Variants in RBBP8 observed in about 807,000 individuals in gnomAD.
RBBP8 encodes RB binding protein 8, endonuclease.
RBBP8 carries 88 observed loss-of-function variants against 108.3 expected under a neutral mutation model. The observed-to-expected ratio is 0.81, with a 90% confidence interval of 0.68 to 0.97. RBBP8 has a LOEUF of 0.97. RBBP8 is among the 50% of genes least tolerant of loss of function. The probability of loss-of-function intolerance (pLI) is 0.00; values close to 1 mark genes in which losing one functional copy is unlikely to be tolerated. For synonymous variants in RBBP8, 332 were observed against 348.2 expected (o/e 0.95, Z 0.52); for missense variants, 1,023 against 1,049.0 (o/e 0.98, Z 0.34).
intron 18 of RBBP8, among the ~76,000 whole-genome samples, chr18:23,024,129 C>T (rs1386310315): frequency 2.0e-5 from 3 of 150,454 alleles, no homozygotes; most frequent in African/African-American, 4.9e-5. Context: ...AAGTGATCCA[C>T]CCGCCTCAGC....
chr18:22,937,087 G>T (rs1201939679), intron 2 of RBBP8, 127 bp downstream of exon 2: 4 of 1,500,700 alleles, frequency 2.7e-6, no homozygotes, highest in Non-Finnish European at 3.6e-6. Flanking sequence ...TACATGTGCA[G>T]ATTTGGTACA....
At chr18:23,000,740 C>CAA (rs78173403) in intron 14 of RBBP8, among the ~76,000 whole-genome samples, 1 of 87,142 alleles carries the variant, frequency 1.1e-5, no homozygotes. Flanking sequence ...GACTCCGTCT[C>CAA]AAAAAAAAAA....
chr18:22,946,604 A>G, intron 3 of RBBP8, 118 bp downstream of exon 3: 2 of 1,443,454 alleles, frequency 1.4e-6, no homozygotes, highest in Non-Finnish European at 1.9e-6. Context: ...TGTCTTATTT[A>G]TAAAAAAAAT....
chr18:22,964,537 T>A (rs935660433), intron 4 of RBBP8, among the ~76,000 whole-genome samples: 8 of 151,588 alleles, frequency 5.3e-5, no homozygotes, highest in African/African-American at 1.9e-4. Flanking sequence ...CCCAGTTTTA[T>A]CTAAATTTTC....
chr18:22,921,582 G>A (rs1909596991), intron 3 of RBBP8, among the ~76,000 whole-genome samples: 1 of 152,116 alleles, frequency 6.6e-6, no homozygotes, highest in South Asian at 2.1e-4. Flanking sequence ...TGGTCAAACT[G>A]CTTTTCCTTT....
intron 16 of RBBP8, 100 bp from the exon 17 acceptor site, chr18:23,016,728 C>A: frequency 1.1e-6 from 1 of 916,610 alleles, no homozygotes; most frequent in Non-Finnish European, 1.8e-6. Flanking sequence ...ATTTTTCTAA[C>A]ATACTGAATA....
At chr18:23,007,410 A>T (rs1410666121) in intron 16 of RBBP8, among the ~76,000 whole-genome samples, 2 of 152,000 alleles carry the variant, frequency 1.3e-5, no homozygotes, top group East Asian at 3.9e-4. Context: ...TATGTAGTAT[A>T]AGACTTTAGG....
intron 13 of RBBP8, 123 bp downstream of exon 13, chr18:22,996,585 A>G: frequency 6.9e-7 from 1 of 1,454,302 alleles, no homozygotes; most frequent in Non-Finnish European, 9.1e-7. Flanking sequence ...ACCTACATGT[A>G]TTTATGCAGA....
chr18:22,986,061 C>T (rs561859501), intron 8 of RBBP8, among the ~76,000 whole-genome samples: 12 of 148,078 alleles, frequency 8.1e-5, no homozygotes, highest in Admixed American at 4.8e-4. Flanking sequence ...TTAGGTGATA[C>T]GTGTATGCAT....
chr18:23,004,042 G>A (rs969619700), intron 15 of RBBP8, among the ~76,000 whole-genome samples: 11 of 118,228 alleles, frequency 9.3e-5, no homozygotes, highest in Middle Eastern at 0.014. Context: ...GGGCAACAGC[G>A]CAAGACCCCG....
intron 15 of RBBP8, among the ~76,000 whole-genome samples, chr18:23,003,206 C>A (rs914278821): frequency 5.3e-5 from 8 of 152,304 alleles, no homozygotes; most frequent in African/African-American, 1.9e-4. Context: ...GGTTTGATTT[C>A]TCTGATGAAT....
At chr18:22,935,060 G>T (rs1362481998) in intron 1 of RBBP8, among the ~76,000 whole-genome samples, 3 of 150,100 alleles carry the variant, frequency 2.0e-5, no homozygotes, top group Non-Finnish European at 4.4e-5. Context: ...ATTATATATA[G>T]GCCCATTTGT....
At chr18:22,994,014 C>CTTTTTTTTTTTT (rs777055614) in intron 12 of RBBP8, among the ~76,000 whole-genome samples, 167 bp downstream of exon 12, 2 of 75,104 alleles carry the variant, frequency 2.7e-5, no homozygotes, top group East Asian at 4.6e-4. Context: ...TTTTTCTGTT[C>CTTTTTTTTTTTT]TTTTTTTTTT....
At chr18:22,980,635 G>C (rs1160868443) in intron 6 of RBBP8, among the ~76,000 whole-genome samples, 2 of 152,072 alleles carry the variant, frequency 1.3e-5, no homozygotes, top group Non-Finnish European at 2.9e-5. Context: ...AAAGGACTTT[G>C]GCTTGTGTTC....
In RBBP8 at chr18:22,960,806, A is replaced by G. The variant is rs115279547; in HGVS notation, c.249-8000A>G. Among the ~76,000 whole-genome samples the G allele has an allele frequency of 6.2e-3, 939 of 152,298 alleles. 7 individuals are homozygous for G. The highest frequency in any genetic ancestry group is 0.022 in the African/African-American group (910 of 41,570). On this transcript the variant is annotated intron_variant, in intron 4 of 18. Transcript: ENST00000327155. ...AATTTAAATAATATAACCTACCTAC[A>G]TACATAATTATTTTTTAAATATCAC...
intron 18 of RBBP8, among the ~76,000 whole-genome samples, chr18:23,022,672 T>TAAAATAAAATACAATACAATAAAATA (rs1169553930): frequency 8.5e-6 from 1 of 117,832 alleles, no homozygotes; most frequent in African/African-American, 3.0e-5. Context: ...ATAAAATAAA[T>TAAAATAAAATACAATACAATAAAATA]AACTGTATAT....
intron 4 of RBBP8, among the ~76,000 whole-genome samples, chr18:22,956,763 A>T (rs1234584752): frequency 6.6e-6 from 1 of 152,250 alleles, no homozygotes; most frequent in Admixed American, 6.5e-5. Context: ...AGTAAATTAG[A>T]TAATAAAAAG....
intron 16 of RBBP8, among the ~76,000 whole-genome samples, chr18:23,014,221 G>A (rs1468208682): frequency 6.6e-6 from 1 of 152,042 alleles, no homozygotes; most frequent in Admixed American, 6.6e-5. Flanking sequence ...GGCCAGGCTG[G>A]ATGAATGTTG....
intron 1 of RBBP8, 65 bp from the exon 2 acceptor site, chr18:22,936,684 GTTTCA>G: frequency 1.4e-6 from 1 of 711,638 alleles, no homozygotes; most frequent in Non-Finnish European, 2.4e-6. Context: ...CTGGGCTTGT[GTTTCA>G]TCCTGATTTC....
Sources: allele counts gnomAD v4.1 joint callset (sites outside exome capture counted in the v4.1 genomes callset), GRCh38; gene constraint gnomAD v4.1.1; transcripts MANE v1.5; gene names NCBI Gene and HGNC (gene_info 2026-07-23, HGNC 2026-07-21).